Variants in DPYSL4 observed in about 807,000 individuals in gnomAD.
The protein encoded by DPYSL4 is dihydropyrimidinase-related protein 4.
Under a neutral mutation model 63.4 loss-of-function variants are expected in DPYSL4, and 43 were observed. The observed-to-expected ratio is 0.68, with a 90% confidence interval of 0.53 to 0.88. The LOEUF is 0.88. Ranked by LOEUF, DPYSL4 falls within the 40% of genes least tolerant of loss-of-function variation. The pLI, the probability that DPYSL4 is intolerant of heterozygous loss-of-function variation, is 0.00. For missense variants in DPYSL4, 733 were observed against 819.5 expected (o/e 0.89, Z 1.29); for synonymous variants, 353 against 331.7 (o/e 1.06, Z -0.70).
chr10:132,199,698 G>T (rs1275461251), intron 8 of DPYSL4, among the ~76,000 whole-genome samples: 1 of 149,104 alleles, frequency 6.7e-6, no homozygotes, highest in Non-Finnish European at 1.5e-5. Context: ...GGGCGGGGTG[G>T]TGGTGGTGGT....
Position 132,194,008 on chromosome 10 carries a change from C to T in DPYSL4, c.314-837C>T, listed in dbSNP as rs1252225601. Among the ~76,000 whole-genome samples the T allele has an allele frequency of 2.6e-5, 4 of 152,394 alleles. No individual in the cohort carries two copies. The East Asian group carries it at 7.7e-4, about 29-fold the overall frequency. On this transcript the variant is annotated intron_variant, in intron 3 of 13. Transcript: ENST00000338492. Reference sequence around the variant, plus strand: ...CAGGACGTCTGCACAGTCGAGACCACCTGCCTCGTGCCAGTGCCAAGGCAC... The same window carrying T: ...CAGGACGTCTGCACAGTCGAGACCATCTGCCTCGTGCCAGTGCCAAGGCAC...
rs907829231 is a variant in DPYSL4 at position 132,192,665 on chromosome 10, G to A, written c.136G>A (p.Gly46Arg). The A allele has an allele frequency of 1.9e-6, 3 of 1,602,386 alleles. No individual in the cohort carries two copies. The highest frequency in any genetic ancestry group is 2.2e-5 in the South Asian group (2 of 89,566). The change falls in exon 3 of 14, where the codon GGA (glycine) becomes AGA (arginine). Residue 46 changes from glycine to arginine, a missense_variant. Physicochemically the swap from Gly to Arg is moderately radical, Grantham distance 125. Coordinates refer to ENST00000338492, the MANE Select transcript of DPYSL4 (RefSeq NM_006426.3). ...HVEDGLIKQI[G>R]ENLIVPGGIK... ...AATCTCTGCTGCTTTCAGACAAATC[G>A]GAGAAAACCTCATCGTCCCTGGGGG...
chr10:132,187,050 C>G lies in DPYSL4; in HGVS notation c.-14C>G, dbSNP rs1325859282. 5 of 1,375,812 alleles carry G rather than the reference C, an allele frequency of 3.6e-6. No homozygotes were observed. The highest frequency in any genetic ancestry group is 4.7e-6 in the Non-Finnish European group (5 of 1,053,104). 85.2% of individuals were successfully genotyped at this position (1,375,812 alleles called of 1,614,324 possible). ...CCGCTTGTGCCGCCCCTACCAGAGA[C>G]CCCCAGGAGCAGGATGTCCTTCCAG... is the stretch of plus-strand genomic sequence containing the variant. On this transcript the variant is annotated 5_prime_UTR_variant, in exon 1 of 14. Transcript: ENST00000338492.
At chr10:132,195,089 T>C in intron 4 of DPYSL4, 80 bp downstream of exon 4, 4 of 1,492,512 alleles carry the variant, frequency 2.7e-6, no homozygotes, top group Non-Finnish European at 3.6e-6. Flanking sequence ...GTTCTGCCGA[T>C]GGTGCTGCTC....
At chr10:132,197,235 T>C (rs1487676117) in intron 6 of DPYSL4, 134 bp downstream of exon 6, 2 of 780,240 alleles carry the variant, frequency 2.6e-6, no homozygotes, top group African/African-American at 1.7e-5. Flanking sequence ...CACAAAACCT[T>C]GAGGGAGGGT....
intron 4 of DPYSL4, among the ~76,000 whole-genome samples, chr10:132,196,521 C>T (rs1360866604): frequency 2.6e-5 from 4 of 152,352 alleles, no homozygotes; most frequent in African/African-American, 7.2e-5. Flanking sequence ...GAACCCAGGC[C>T]GAGAGCCCAG....
chr10:132,190,744 T>C lies in DPYSL4; in HGVS notation c.40-3T>C, dbSNP rs1313443455. 1.2e-6 allele frequency: 2 copies of C among 1,612,772 alleles called. No homozygotes were observed. The highest frequency in any genetic ancestry group is 1.7e-4 in the Middle Eastern group (1 of 6,060). On this transcript the variant is annotated splice_polypyrimidine_tract_variant and splice_region_variant and intron_variant, in intron 1 of 13. Coordinates refer to ENST00000338492, the MANE Select transcript of DPYSL4 (RefSeq NM_006426.3). ...AAAAATTACCCTTTGTTGTTCCCGA[T>C]AGAGTGACCGCCTTCTGATCAGAGG...
At position 132,205,579 on chromosome 10, in the gene DPYSL4, G is replaced by C. The variant is rs1053722630; in HGVS notation, c.*649G>C. The C allele has an allele frequency of 1.3e-5, 2 of 152,484 alleles. No individual in the cohort carries two copies. Among genetic ancestry groups the C allele is most frequent in the Admixed American group, 1.3e-4 (2 of 15,286 alleles). 9.4% of individuals were successfully genotyped at this position (152,484 alleles called of 1,614,324 possible). ...TAGCCCTCATCCAGGGAAGTTTTGC[G>C]ATCCTTTAGGAAGACACTGTCCTCT... On this transcript the variant is annotated 3_prime_UTR_variant, in exon 14 of 14. Transcript: ENST00000338492.
At chr10:132,199,740 G>A (rs1396776763) in intron 8 of DPYSL4, among the ~76,000 whole-genome samples, 2 of 152,062 alleles carry the variant, frequency 1.3e-5, no homozygotes, top group African/African-American at 2.4e-5. Context: ...TTCCTGCATC[G>A]AGGGTTGAAA....
chr10:132,201,031 G>C, intron 10 of DPYSL4, 48 bp downstream of exon 10: 3 of 1,599,712 alleles, frequency 1.9e-6, no homozygotes, highest in Non-Finnish European at 2.6e-6. Context: ...GCGGCTGTGG[G>C]CGGGATTGTG....
rs762803490 is a variant in DPYSL4, at chr10:132,202,011, C to T, written c.1176C>T (p.Phe392=). ...AVTSTNAAKI[F]NFYPRKGRVA... ...CCAGTACAAATGCTGCCAAAATCTT[C>T]AATTTTTACCCAAGGAAGGGGCGAG... Residue 392 remains phenylalanine, a synonymous_variant, in exon 11 of 14, where the codon TTC becomes TTT. Coordinates refer to ENST00000338492, the MANE Select transcript of DPYSL4 (RefSeq NM_006426.3). 1 of 1,613,268 alleles carries T rather than the reference C, an allele frequency of 6.2e-7. No individual in the cohort carries two copies. Among genetic ancestry groups the T allele is most frequent in the Non-Finnish European group, 8.5e-7 (1 of 1,179,996 alleles).
rs891846441 is a variant in DPYSL4 at position 132,201,056 on chromosome 10, G to T, written c.1110+73G>T. 2.5e-6 allele frequency: 4 copies of T among 1,569,296 alleles called. No individual in the cohort carries two copies. In the Admixed American group the frequency reaches 5.4e-5, roughly 21 times the overall value. ...GCGGGATTGTGATGGCTGGTCAGAAGGGAGCCCATCTAACCAGTGCACACT... is the reference window on the plus strand; with the variant it reads ...GCGGGATTGTGATGGCTGGTCAGAATGGAGCCCATCTAACCAGTGCACACT... On this transcript the variant is annotated intron_variant, in intron 10 of 13. Transcript: ENST00000338492.
rs988446014 is a variant in DPYSL4, at chr10:132,187,094, C to G, written c.31C>G (p.Arg11Gly). 2 of 1,514,678 alleles carry G rather than the reference C, an allele frequency of 1.3e-6. No homozygotes were observed. The highest frequency in any genetic ancestry group is 1.8e-6 in the Non-Finnish European group (2 of 1,123,476). 93.8% of individuals were successfully genotyped at this position (1,514,678 alleles called of 1,614,324 possible). Residue 11 changes from arginine to glycine, a missense_variant, in exon 1 of 14, where the codon CGG (arginine) becomes GGG (glycine). Arg to Gly is a moderately radical substitution (Grantham distance 125). Coordinates refer to ENST00000338492, the MANE Select transcript of DPYSL4 (RefSeq NM_006426.3). ...CTTCCAGGGCAAGAAAAGCATCCCCCGGATCACGGTGAGCCCGGTCCCGCT... is the reference window on the plus strand; with the variant it reads ...CTTCCAGGGCAAGAAAAGCATCCCCGGGATCACGGTGAGCCCGGTCCCGCT... MSFQGKKSIP[R>G]ITSDRLLIRG... is the part of the protein sequence containing the mutation.
In DPYSL4 at chr10:132,198,887, G is replaced by A. The variant is rs747431205; in HGVS notation, c.727G>A (p.Ala243Thr). ...AEAVYRAVTIAKQANCPLYVT... is the reference protein window; with the variant it reads ...AEAVYRAVTITKQANCPLYVT... Reference sequence around the variant, plus strand: ...GGCGGTGTACCGAGCTGTCACCATCGCCAAGCAGGCAAACTGCCCGCTGTA... The same window carrying A: ...GGCGGTGTACCGAGCTGTCACCATCACCAAGCAGGCAAACTGCCCGCTGTA... The change falls in exon 8 of 14, where the codon GCC becomes ACC. Residue 243 changes from alanine (A) to threonine (T), a missense_variant. Coordinates refer to ENST00000338492, the MANE Select transcript of DPYSL4 (RefSeq NM_006426.3). 1.3e-5 allele frequency: 21 copies of A among 1,612,858 alleles called. No homozygotes were observed. The highest frequency in any genetic ancestry group is 2.2e-5 in the South Asian group (2 of 91,090).
At chr10:132,196,999 A>G (rs765699996) in intron 5 of DPYSL4, 22 bp from the exon 6 acceptor site, 9 of 1,612,268 alleles carry the variant, frequency 5.6e-6, no homozygotes, top group Admixed American at 1.7e-5. Context: ...CCCACCCAGG[A>G]CGCCACCACT....
At position 132,200,502 on chromosome 10, in the gene DPYSL4, T is replaced by C; in HGVS notation, c.958T>C (p.Leu320=). 6.2e-7 allele frequency: 1 copy of C among 1,612,914 alleles called. No homozygotes were observed. Among genetic ancestry groups the C allele is most frequent in the Non-Finnish European group, 8.5e-7 (1 of 1,179,832 alleles). ...CACCACGGCGGACCACCTCACCTGC[T>C]TGCTGTCCAGGTAAGCAGCCTCTCC... ...DPTTADHLTC[L]LSSGDLQVTG... The change falls in exon 9 of 14, where the codon TTG becomes CTG. Residue 320 remains leucine, a synonymous_variant. Coordinates refer to ENST00000338492, the MANE Select transcript of DPYSL4 (RefSeq NM_006426.3).
intron 1 of DPYSL4, among the ~76,000 whole-genome samples, chr10:132,189,302 C>A (rs569626093): frequency 2.0e-5 from 3 of 151,618 alleles, no homozygotes; most frequent in Non-Finnish European, 4.4e-5. Context: ...TTCTCCACCT[C>A]CTTTCACTCC....
chr10:132,198,359 C>A, intron 6 of DPYSL4, 56 bp from the exon 7 acceptor site: 1 of 1,545,504 alleles, frequency 6.5e-7, no homozygotes. Context: ...GGCTTAGCAT[C>A]CAAGGCCCAG....
chr10:132,203,989 G>A, intron 13 of DPYSL4, 62 bp downstream of exon 13: 2 of 1,545,124 alleles, frequency 1.3e-6, no homozygotes, highest in Non-Finnish European at 1.8e-6. Context: ...CAGGGCCTCA[G>A]GTACCAGGGC....
Sources: gnomAD v4.1 joint callset for allele counts (sites outside exome capture counted in the v4.1 genomes callset) on GRCh38, gnomAD v4.1.1 for gene constraint, MANE v1.5 for transcripts, NCBI Gene and HGNC (gene_info 2026-07-23, HGNC 2026-07-21) for gene names.